LSS: variants seen among roughly 807,000 people sequenced by gnomAD.
The protein encoded by LSS is lanosterol synthase.
Under a neutral mutation model 110.3 loss-of-function variants are expected in LSS, and 90 were observed. The ratio of observed to expected loss-of-function variants is 0.82; its 90% CI spans 0.69 to 0.97. The LOEUF (loss-of-function observed/expected upper bound fraction) is 0.97. Among genes scored for constraint, LSS ranks in the 50% least tolerant of loss-of-function variants. The probability of loss-of-function intolerance (pLI) is 0.00; values close to 1 mark genes in which losing one functional copy is unlikely to be tolerated. For missense variants in LSS, 927 were observed against 990.0 expected (o/e 0.94, Z 0.85); for synonymous variants, 433 against 400.0 (o/e 1.08, Z -0.98).
Position 46,189,092 on chromosome 21 carries a change from C to T in LSS, c.*2012G>A, listed in dbSNP as rs970104053. ...CCAGAAACCCCAAATCTGCAGTTCT[C>T]CCCAGGATGAAACGAAACACAGTGT... On this transcript the variant is annotated 3_prime_UTR_variant, in exon 22 of 22. Coordinates refer to ENST00000397728, the MANE Select transcript of LSS (RefSeq NM_002340.6). 3.1e-5 allele frequency: 8 copies of T among 255,498 alleles called. No homozygotes were observed. Among genetic ancestry groups the T allele is most frequent in the Non-Finnish European group, 6.2e-5 (8 of 128,056 alleles). The allele number at this position is 255,498 out of a possible 1,614,324, so 15.8% of individuals were successfully genotyped here. A position where few individuals can be genotyped will look rare whatever the true frequency, so the allele number is the denominator to read the frequency against.
chr21:46,215,349 G>T, intron 8 of LSS, 51 bp from the exon 9 acceptor site: 1 of 1,291,682 alleles, frequency 7.7e-7, no homozygotes, highest in Non-Finnish European at 1.1e-6. Flanking sequence ...ACTGGCCTCA[G>T]CCTGGAGCTC....
At chr21:46,211,198 C>T (rs2080127241) in intron 11 of LSS, among the ~76,000 whole-genome samples, 4 of 152,306 alleles carry the variant, frequency 2.6e-5, no homozygotes, top group African/African-American at 4.8e-5. Flanking sequence ...GTGATCTCAG[C>T]TCGCTGCAAG....
chr21:46,219,118 C>T (rs758155510), intron 6 of LSS, among the ~76,000 whole-genome samples: 7 of 152,144 alleles, frequency 4.6e-5, no homozygotes, highest in Admixed American at 3.9e-4. Flanking sequence ...AGGAGACAAA[C>T]GCAGCAGCAG....
chr21:46,213,754 T>G lies in LSS; in HGVS notation c.1093A>C (p.Ile365Leu). 1 of 1,613,858 alleles carries G rather than the reference T, an allele frequency of 6.2e-7. No individual in the cohort carries two copies. Among genetic ancestry groups the G allele is most frequent in the South Asian group, 1.1e-5 (1 of 91,036 alleles). The change falls in exon 10 of 22, where the codon ATC (isoleucine) becomes CTC (leucine). Residue 365 changes from isoleucine to leucine, a missense_variant. Coordinates refer to ENST00000397728, the MANE Select transcript of LSS (RefSeq NM_002340.6). ...CACACTCACCAGAGATAGTCCGGGA[T>G]TCTGGAGACATGCTCCTGGAAGGCA... Reference protein sequence around the residue: ...STAFQEHVSRIPDYLWMGLDG... With the variant: ...STAFQEHVSRLPDYLWMGLDG...
chr21:46,222,218 C>T lies in LSS; in HGVS notation c.429-243G>A, dbSNP rs2080287949. The T allele has an allele frequency of 5.3e-6, 3 of 563,218 alleles. No homozygotes were observed. In the Admixed American group the frequency reaches 9.4e-5, roughly 18 times the overall value. 34.9% of individuals were successfully genotyped at this position (563,218 alleles called of 1,614,324 possible). Reference sequence around the variant, plus strand: ...CCCGCCTGCTCTACACCTTCCCACGCCTGAGTCAACACTTCTAGCTCAAGG... The same window carrying T: ...CCCGCCTGCTCTACACCTTCCCACGTCTGAGTCAACACTTCTAGCTCAAGG... On this transcript the variant is annotated intron_variant, in intron 4 of 21. Transcript: ENST00000397728.
chr21:46,213,621 G>C, intron 10 of LSS, 117 bp downstream of exon 10: 1 of 763,798 alleles, frequency 1.3e-6, no homozygotes. Context: ...GGTTCCTGGA[G>C]GTATTCCCTG....
rs767250115 is a variant in LSS, at chr21:46,189,668, G to A, written c.*1436C>T. On this transcript the variant is annotated 3_prime_UTR_variant, in exon 22 of 22. Coordinates refer to ENST00000397728, the MANE Select transcript of LSS (RefSeq NM_002340.6). Reference sequence around the variant, plus strand: ...TGACAGGATCTGAGGGTGTCCAGACGCAGATCTCCACTGCCTGAGGGAGAG... The same window carrying A: ...TGACAGGATCTGAGGGTGTCCAGACACAGATCTCCACTGCCTGAGGGAGAG... The A allele has an allele frequency of 7.5e-5, 34 of 456,204 alleles. No individual in the cohort carries two copies. Among genetic ancestry groups the A allele is most frequent in the Admixed American group, 3.1e-4 (13 of 42,550 alleles). 28.3% of individuals were successfully genotyped at this position (456,204 alleles called of 1,614,324 possible). A position where few individuals can be genotyped will look rare whatever the true frequency, so the allele number is the denominator to read the frequency against.
intron 20 of LSS, 110 bp from the exon 21 acceptor site, chr21:46,192,069 T>C: frequency 1.2e-6 from 1 of 860,142 alleles, no homozygotes; most frequent in South Asian, 1.4e-5. Context: ...GCAGTGAGAA[T>C]GGATGGGTCT....
At chr21:46,194,327 C>T (rs906352723) in intron 20 of LSS, among the ~76,000 whole-genome samples, 164 bp downstream of exon 20, 1 of 152,210 alleles carries the variant, frequency 6.6e-6, no homozygotes, top group African/African-American at 2.4e-5. Context: ...GCCCCAGGAA[C>T]CAGGCATGTG....
Position 46,195,657 on chromosome 21 carries a change from A to C in LSS, c.1817+19T>G, listed in dbSNP as rs1281369269. The C allele has an allele frequency of 6.2e-7, 1 of 1,610,790 alleles. No homozygotes were observed. The highest frequency in any genetic ancestry group is 8.5e-7 in the Non-Finnish European group (1 of 1,177,250). ...TGGGTTGAGAACCCCCACCCACCAG[A>C]GGACAGGCACTCACTCACCCATCTC... On this transcript the variant is annotated intron_variant, in intron 19 of 21. Coordinates refer to ENST00000397728, the MANE Select transcript of LSS (RefSeq NM_002340.6).
intron 17 of LSS, among the ~76,000 whole-genome samples, chr21:46,197,177 A>G (rs968349351): frequency 7.2e-5 from 11 of 152,400 alleles, no homozygotes; most frequent in African/African-American, 2.4e-4. Context: ...ACAAATAGTC[A>G]AAGTACAAAT....
At position 46,216,472 on chromosome 21, in the gene LSS, G is replaced by T. The variant is rs538836283; in HGVS notation, c.700C>A (p.Arg234=). 2 of 1,613,494 alleles carry T rather than the reference G, an allele frequency of 1.2e-6. No individual in the cohort carries two copies. The highest frequency in any genetic ancestry group is 2.2e-5 in the South Asian group (2 of 91,042). The change falls in exon 7 of 22, where the codon CGG becomes AGG. Residue 234 remains arginine, a synonymous_variant. Transcript: ENST00000397728. This position sits in a 1 kb window ranked among gnomAD's most constrained non-coding sequence, Gnocchi z 4.2. ...TAGCTCATGGGCAGGTACACCTGCC[G>T]GCAGTGGCACCAGAGTGTGGAGGGG... is the stretch of plus-strand genomic sequence containing the variant. ...AHPSTLWCHC[R]QVYLPMSYCY... is the part of the protein sequence containing the mutation.
At chr21:46,202,536 A>G (rs1443556715) in intron 17 of LSS, among the ~76,000 whole-genome samples, 1 of 152,206 alleles carries the variant, frequency 6.6e-6, no homozygotes, top group Admixed American at 6.5e-5. Context: ...TATCTGTAAC[A>G]TAATACACAA....
chr21:46,213,709 C>A, intron 10 of LSS, 29 bp downstream of exon 10: 8 of 1,590,190 alleles, frequency 5.0e-6, no homozygotes, highest in Non-Finnish European at 6.9e-6. Flanking sequence ...TCGTGAGAGG[C>A]CCCGCCAGCA....
chr21:46,204,382 A>G (rs2080019085), intron 17 of LSS, among the ~76,000 whole-genome samples: 1 of 151,768 alleles, frequency 6.6e-6, no homozygotes, highest in African/African-American at 2.4e-5. Context: ...ATCAAAGACT[A>G]AGATTTTTTT....
rs1601432349 is a variant in LSS, at chr21:46,210,629, G to A, written c.1194+59C>T. 8.4e-6 allele frequency: 13 copies of A among 1,542,606 alleles called. No individual in the cohort carries two copies. In the East Asian group the frequency reaches 1.1e-4, roughly 13 times the overall value. ...AGCAGTGCTGCCCTCAGGTGGATGCGTGGGCTCACGTGCACAGGAAGGTCA... is the reference window on the plus strand; with the variant it reads ...AGCAGTGCTGCCCTCAGGTGGATGCATGGGCTCACGTGCACAGGAAGGTCA... On this transcript the variant is annotated intron_variant, in intron 12 of 21. Coordinates refer to ENST00000397728, the MANE Select transcript of LSS (RefSeq NM_002340.6).
chr21:46,206,665 C>T lies in LSS; in HGVS notation c.1564+7G>A, dbSNP rs747026283. 2 of 1,610,840 alleles carry T rather than the reference C, an allele frequency of 1.2e-6. No homozygotes were observed. Among genetic ancestry groups the T allele is most frequent in the East Asian group, 2.2e-5 (1 of 44,868 alleles). ...TTTGCGCGCCGCAGTGCTGGCCGAC[C>T]ACTCACCGAAGACCTCCGAGGGGTT... On this transcript the variant is annotated splice_region_variant and intron_variant, in intron 16 of 21. Transcript: ENST00000397728.
Position 46,189,561 on chromosome 21 carries a change from C to T in LSS, c.*1543G>A, listed in dbSNP as rs1044266062. On this transcript the variant is annotated 3_prime_UTR_variant, in exon 22 of 22. Coordinates refer to ENST00000397728, the MANE Select transcript of LSS (RefSeq NM_002340.6). ...GGGCAAGGGAGCTGGACAGAAGACC[C>T]CAGAGGGTGCGGCACCTGGGTGAGA... 2.4e-6 allele frequency: 1 copy of T among 424,906 alleles called. No homozygotes were observed. Among genetic ancestry groups the T allele is most frequent in the Non-Finnish European group, 4.7e-6 (1 of 212,182 alleles). 26.3% of individuals were successfully genotyped at this position (424,906 alleles called of 1,614,324 possible).
intron 17 of LSS, among the ~76,000 whole-genome samples, chr21:46,204,127 T>C (rs2080014640): frequency 6.6e-6 from 1 of 152,016 alleles, no homozygotes; most frequent in African/African-American, 2.4e-5. Flanking sequence ...ACCCTGTCTC[T>C]AATAAAAATA....
Sources: gnomAD v4.1 joint callset for allele counts (sites outside exome capture counted in the v4.1 genomes callset) on GRCh38, gnomAD v4.1.1 for gene constraint, Gnocchi (gnomAD v3.1) non-coding constraint, MANE v1.5 for transcripts, NCBI Gene and HGNC (gene_info 2026-07-23, HGNC 2026-07-21) for gene names.